The following RAPGEF5 variants were observed in gnomAD, a reference collection of about 807,000 sequenced individuals.
The protein encoded by RAPGEF5 is M-Ras-regulated GEF.
RAPGEF5 carries 65 observed loss-of-function variants against 125.2 expected under a neutral mutation model. The observed-to-expected ratio is 0.52, with a 90% CI of 0.43 to 0.64. RAPGEF5 has a LOEUF of 0.64. RAPGEF5 is among the 30% of genes least tolerant of loss of function. The pLI, the probability that RAPGEF5 is intolerant of heterozygous loss-of-function variation, is 0.00. For synonymous variants in RAPGEF5, 391 were observed against 385.9 expected (o/e 1.01, Z -0.16); for missense variants, 958 against 1,048.1 (o/e 0.91, Z 1.19).
At chr7:22,202,781 G>A in intron 9 of RAPGEF5, 1 of 177,214 alleles carries the variant, frequency 5.6e-6, no homozygotes, top group Non-Finnish European at 1.2e-5. Context: ...GACAGACCTG[G>A]TTCAAATCCT....
intron 11 of RAPGEF5, among the ~76,000 whole-genome samples, chr7:22,171,768 G>A (rs2128117516): frequency 6.6e-6 from 1 of 152,306 alleles, no homozygotes; most frequent in South Asian, 2.1e-4. Flanking sequence ...CCAAAGTGCT[G>A]GGATTACAGG....
At chr7:22,223,763 A>G (rs1315002751) in intron 8 of RAPGEF5, among the ~76,000 whole-genome samples, 1 of 152,202 alleles carries the variant, frequency 6.6e-6, no homozygotes, top group Non-Finnish European at 1.5e-5. Context: ...TGGTAGGGAC[A>G]TGCAGAAATT....
chr7:22,146,734 T>A (rs540461235), intron 19 of RAPGEF5, among the ~76,000 whole-genome samples, 163 bp downstream of exon 19: 1 of 152,208 alleles, frequency 6.6e-6, no homozygotes, highest in Non-Finnish European at 1.5e-5. Flanking sequence ...CATATTCTGA[T>A]TTTTTTAGAA....
chr7:22,294,406 T>C (rs1285518644), intron 5 of RAPGEF5, among the ~76,000 whole-genome samples: 3 of 152,168 alleles, frequency 2.0e-5, no homozygotes, highest in Non-Finnish European at 2.9e-5. Flanking sequence ...TGCTGAGTCC[T>C]GGTGCTCTAG....
intron 12 of RAPGEF5, among the ~76,000 whole-genome samples, chr7:22,165,740 T>G (rs1003622089): frequency 1.3e-5 from 2 of 152,138 alleles, no homozygotes; most frequent in African/African-American, 4.8e-5. Flanking sequence ...AGTATTCTTT[T>G]AGGTGGGAAA....
At chr7:22,143,333 T>C (rs1215555161) in intron 20 of RAPGEF5, among the ~76,000 whole-genome samples, 9 of 152,184 alleles carry the variant, frequency 5.9e-5, no homozygotes, top group Non-Finnish European at 1.3e-4. Flanking sequence ...AAAATTATCC[T>C]ACTCTTGGGG....
At chr7:22,175,030 C>T (rs746369095) in intron 11 of RAPGEF5, among the ~76,000 whole-genome samples, 47 of 151,054 alleles carry the variant, frequency 3.1e-4, no homozygotes, top group Non-Finnish European at 4.9e-4. Context: ...CATGTTTGGG[C>T]GATGGTAAGG....
chr7:22,342,614 C>T (rs758069306), intron 1 of RAPGEF5, among the ~76,000 whole-genome samples: 4 of 152,168 alleles, frequency 2.6e-5, no homozygotes, highest in Non-Finnish European at 4.4e-5. Flanking sequence ...CCCAAGTCAC[C>T]TCTTGAATGC....
chr7:22,321,897 C>T (rs995281817), intron 1 of RAPGEF5, among the ~76,000 whole-genome samples: 1 of 152,158 alleles, frequency 6.6e-6, no homozygotes, highest in African/African-American at 2.4e-5. Context: ...CCTGTGGGCC[C>T]TTCTTCAGCC....
At chr7:22,160,303 G>A (rs2128111139) in intron 14 of RAPGEF5, among the ~76,000 whole-genome samples, 1 of 152,194 alleles carries the variant, frequency 6.6e-6, no homozygotes, top group Admixed American at 6.5e-5. Flanking sequence ...ATATAAAACA[G>A]GGTTAAAACA....
chr7:22,130,870 C>T (rs1336171312), intron 24 of RAPGEF5, 167 bp downstream of exon 24: 5 of 886,638 alleles, frequency 5.6e-6, no homozygotes, highest in Admixed American at 3.5e-5. Context: ...TTGTTGGCAG[C>T]GTACAACATG....
chr7:22,203,433 G>A (rs1192661879), intron 9 of RAPGEF5, among the ~76,000 whole-genome samples: 1 of 152,158 alleles, frequency 6.6e-6, no homozygotes, highest in African/African-American at 2.4e-5. Context: ...ATGGGCTCTT[G>A]GTCTTTGGTC....
intron 7 of RAPGEF5, among the ~76,000 whole-genome samples, chr7:22,248,650 C>A (rs1223245145): frequency 6.6e-6 from 1 of 152,128 alleles, no homozygotes; most frequent in Non-Finnish European, 1.5e-5. Context: ...TAATCCCCAG[C>A]AGCGCAGGGA....
Position 22,230,896 on chromosome 7 carries a change from T to C in RAPGEF5, c.820A>G (p.Asn274Asp), listed in dbSNP as rs545147919. 4.5e-6 allele frequency: 7 copies of C among 1,563,732 alleles called. No individual in the cohort carries two copies. The highest frequency in any genetic ancestry group is 1.9e-5 in the Admixed American group (1 of 52,398). The change falls in exon 8 of 26, where the codon AAC (asparagine) becomes GAC (aspartate). Residue 274 changes from asparagine (N) to aspartate (D), a missense_variant. Asn to Asp is a conservative substitution (Grantham distance 23). Transcript: ENST00000665637. The part of the protein sequence containing the change: ...KSAIEQDEEN[N>D]DKHVAVTEAE... The stretch of plus-strand genomic sequence containing the variant: ...TCTGTTACAGCTACATGTTTGTCGT[T>C]GTTTTCTTCATCTTGTTCAATTGCT...
intron 11 of RAPGEF5, among the ~76,000 whole-genome samples, chr7:22,171,024 GTT>G (rs574602699): frequency 1.3e-4 from 19 of 143,914 alleles, no homozygotes; most frequent in African/African-American, 2.8e-4. Flanking sequence ...CAGCATTCAT[GTT>G]TTTTTTTTTT....
chr7:22,294,587 C>T (rs994134162), intron 5 of RAPGEF5, among the ~76,000 whole-genome samples: 5 of 152,188 alleles, frequency 3.3e-5, no homozygotes, highest in African/African-American at 1.2e-4. Flanking sequence ...AAAGCCCTGC[C>T]CTTCCTATAG....
intron 2 of RAPGEF5, among the ~76,000 whole-genome samples, chr7:22,317,112 T>C (rs546864587): frequency 2.6e-5 from 4 of 152,040 alleles, no homozygotes; most frequent in African/African-American, 7.2e-5. Flanking sequence ...AAAAAGTACA[T>C]AATGAGCAAC....
At chr7:22,290,726 C>T (rs543091693) in intron 6 of RAPGEF5, among the ~76,000 whole-genome samples, 2 of 122,442 alleles carry the variant, frequency 1.6e-5, no homozygotes, top group Admixed American at 2.0e-4. Context: ...GCCTGGGCGA[C>T]AGAGCGAGAC....
At chr7:22,177,857 G>A (rs541573882) in intron 11 of RAPGEF5, among the ~76,000 whole-genome samples, 1 of 152,130 alleles carries the variant, frequency 6.6e-6, no homozygotes, top group South Asian at 2.1e-4. Flanking sequence ...ATCCGGTTTA[G>A]GGGAAAAGAA....
Sources: gnomAD v4.1 joint callset for allele counts (sites outside exome capture counted in the v4.1 genomes callset) on GRCh38, gnomAD v4.1.1 for gene constraint, MANE v1.5 for transcripts, NCBI Gene and HGNC (gene_info 2026-07-23, HGNC 2026-07-21) for gene names.